Variants in CACNA1C observed in about 807,000 individuals in gnomAD.
CACNA1C encodes the protein voltage-dependent L-type calcium channel subunit alpha-1C.
A neutral mutation model predicts 229.0 loss-of-function variants in CACNA1C; 30 were observed. The observed-to-expected ratio is 0.13, with a 90% CI of 0.10 to 0.18. The LOEUF (loss-of-function observed/expected upper bound fraction) is 0.18. Ranked by LOEUF, CACNA1C falls within the 10% of genes least tolerant of loss-of-function variation. The probability of loss-of-function intolerance (pLI) is 1.00; values close to 1 mark genes in which losing one functional copy is unlikely to be tolerated. For missense variants in CACNA1C, 1,658 were observed against 2,845.0 expected (o/e 0.58, Z 9.49); for synonymous variants, 1,114 against 1,132.5 (o/e 0.98, Z 0.33).
intron 34 of CACNA1C, among the ~76,000 whole-genome samples, chr12:2,655,708 A>G (rs2095382025): frequency 6.6e-6 from 1 of 152,218 alleles, no homozygotes; most frequent in Non-Finnish European, 1.5e-5. Flanking sequence ...TCAACACAAT[A>G]CTAGCAAACT....
chr12:2,043,782 A>G (rs1189492690), intron 1 of CACNA1C, among the ~76,000 whole-genome samples: 1 of 134,784 alleles, frequency 7.4e-6, no homozygotes, highest in Admixed American at 7.6e-5. Context: ...CAGCCTCCCC[A>G]GTAGCTGGGA....
chr12:2,388,672 A>G (rs551730373), intron 3 of CACNA1C, among the ~76,000 whole-genome samples: 22 of 152,038 alleles, frequency 1.4e-4, no homozygotes, highest in African/African-American at 5.3e-4. Context: ...AGTGTCTGTG[A>G]CATGTCTAAG....
At chr12:2,308,217 C>T (rs548477327) in intron 3 of CACNA1C, among the ~76,000 whole-genome samples, 4 of 152,332 alleles carry the variant, frequency 2.6e-5, no homozygotes, top group African/African-American at 9.6e-5. Flanking sequence ...ATGTGGATAA[C>T]ATGTAGCACA....
At chr12:2,123,989 T>G (rs954678463) in intron 3 of CACNA1C, among the ~76,000 whole-genome samples, 4 of 152,122 alleles carry the variant, frequency 2.6e-5, no homozygotes, top group Non-Finnish European at 5.9e-5. Context: ...CTATTGTTAT[T>G]ATTGTCATCA....
At chr12:2,196,250 G>GC (rs2097399574) in intron 3 of CACNA1C, among the ~76,000 whole-genome samples, 1 of 152,150 alleles carries the variant, frequency 6.6e-6, no homozygotes. Flanking sequence ...TGTCTGTCTG[G>GC]CCTGGATACT....
intron 9 of CACNA1C, among the ~76,000 whole-genome samples, chr12:2,549,295 C>T (rs190721499): frequency 2.0e-5 from 3 of 152,310 alleles, no homozygotes; most frequent in Admixed American, 2.0e-4. Flanking sequence ...ATTGTGTGGA[C>T]TGCACACTTC....
At chr12:2,016,286 A>G (rs1212567368) in intron 1 of CACNA1C, among the ~76,000 whole-genome samples, 2 of 147,602 alleles carry the variant, frequency 1.4e-5, no homozygotes, top group Non-Finnish European at 2.9e-5. Flanking sequence ...TACTCAGTAC[A>G]ACAAAATACA....
intron 3 of CACNA1C, among the ~76,000 whole-genome samples, chr12:2,382,624 A>G (rs1235382894): frequency 1.3e-5 from 2 of 152,188 alleles, no homozygotes; most frequent in Non-Finnish European, 2.9e-5. Context: ...AGGCTGTGAG[A>G]GACAGAAAGG....
chr12:2,473,442 A>AT (rs1425575271), intron 5 of CACNA1C, among the ~76,000 whole-genome samples: 1 of 152,144 alleles, frequency 6.6e-6, no homozygotes, highest in African/African-American at 2.4e-5. Flanking sequence ...ACTGTTCTTA[A>AT]TTATAGTATA....
chr12:2,400,505 C>T (rs1453537949), intron 3 of CACNA1C, among the ~76,000 whole-genome samples: 1 of 152,152 alleles, frequency 6.6e-6, no homozygotes, highest in African/African-American at 2.4e-5. Flanking sequence ...CCATGCTGTA[C>T]GAGCAAACTT....
intron 3 of CACNA1C, among the ~76,000 whole-genome samples, chr12:2,241,879 T>A (rs2070510098): frequency 6.6e-6 from 1 of 152,242 alleles, no homozygotes; most frequent in Non-Finnish European, 1.5e-5. Flanking sequence ...TTTGAATGAA[T>A]GAGTTCGCAA....
chr12:2,223,046 C>A (rs2061890965), intron 3 of CACNA1C, among the ~76,000 whole-genome samples: 2 of 152,084 alleles, frequency 1.3e-5, no homozygotes, highest in South Asian at 4.2e-4. Context: ...AATGGACACG[C>A]ACATAAATGC....
At chr12:2,201,308 A>C (rs2097574130) in intron 3 of CACNA1C, among the ~76,000 whole-genome samples, 1 of 152,206 alleles carries the variant, frequency 6.6e-6, no homozygotes, top group Non-Finnish European at 1.5e-5. Flanking sequence ...AGATCACTTT[A>C]ATTTCCTCAA....
At chr12:2,335,601 A>G (rs1282605266) in intron 3 of CACNA1C, among the ~76,000 whole-genome samples, 1 of 152,048 alleles carries the variant, frequency 6.6e-6, no homozygotes, top group Non-Finnish European at 1.5e-5. Flanking sequence ...CTTCTTTCAC[A>G]TGTGTCTACT....
At chr12:2,668,843 G>C in intron 37 of CACNA1C, 90 bp from the exon 38 acceptor site, 2 of 849,414 alleles carry the variant, frequency 2.4e-6, no homozygotes, top group Non-Finnish European at 4.0e-6. Context: ...CGAGGACACA[G>C]AGCCAAACCA....
Position 2,689,659 on chromosome 12 carries a change from A to C in CACNA1C, c.6117+880A>C, listed in dbSNP as rs1474608958. Among the ~76,000 whole-genome samples, 1 of 151,958 alleles carries C rather than the reference A, an allele frequency of 6.6e-6. No homozygotes were observed. Among genetic ancestry groups the C allele is most frequent in the Non-Finnish European group, 1.5e-5 (1 of 68,006 alleles). On this transcript the variant is annotated intron_variant, in intron 46 of 46. Coordinates refer to ENST00000399655, the MANE Select transcript of CACNA1C (RefSeq NM_000719.7). This position sits in a 1 kb window ranked among gnomAD's most constrained non-coding sequence, Gnocchi z 4.2. ...CTGTGGTGCAGGAGGTGGGGCGTTA[A>C]ACCAGGTGGCTTCCAAGGTTTACCT...
At chr12:2,213,625 T>C (rs983364712) in intron 3 of CACNA1C, among the ~76,000 whole-genome samples, 6 of 152,234 alleles carry the variant, frequency 3.9e-5, no homozygotes, top group African/African-American at 1.4e-4. Flanking sequence ...GTGTGTCTGC[T>C]CTCCTGGTGC....
intron 11 of CACNA1C, among the ~76,000 whole-genome samples, chr12:2,564,724 G>C (rs138109238): frequency 6.6e-6 from 1 of 152,132 alleles, no homozygotes; most frequent in South Asian, 2.1e-4. Context: ...CTCATCTCAA[G>C]GGACTATTGA....
intron 1 of CACNA1C, among the ~76,000 whole-genome samples, chr12:2,065,296 C>T (rs145928855): frequency 9.2e-5 from 14 of 152,218 alleles, no homozygotes; most frequent in Admixed American, 3.9e-4. Flanking sequence ...TGACCTATGC[C>T]CAGCTGTCTG....
Sources: gnomAD v4.1 joint callset for allele counts (sites outside exome capture counted in the v4.1 genomes callset) on GRCh38, gnomAD v4.1.1 for gene constraint, Gnocchi (gnomAD v3.1) non-coding constraint, MANE v1.5 for transcripts, NCBI Gene and HGNC (gene_info 2026-07-23, HGNC 2026-07-21) for gene names.